The following MOXD1 variants were observed in gnomAD, a reference collection of about 807,000 sequenced individuals.
The protein encoded by MOXD1 is DBH-like monooxygenase protein 1.
A neutral mutation model predicts 66.6 loss-of-function variants in MOXD1; 62 were observed. The ratio of observed to expected loss-of-function variants is 0.93; its 90% CI spans 0.76 to 1.15. MOXD1 has a LOEUF of 1.15. Among genes scored for constraint, MOXD1 ranks in the 50% most tolerant of loss-of-function variants. The probability of loss-of-function intolerance (pLI) is 0.00; values close to 1 mark genes in which losing one functional copy is unlikely to be tolerated. For synonymous variants in MOXD1, 303 were observed against 281.9 expected (o/e 1.07, Z -0.75); for missense variants, 847 against 754.6 (o/e 1.12, Z -1.44).
At chr6:132,310,202 A>G (rs1345674914) in intron 10 of MOXD1, among the ~76,000 whole-genome samples, 1 of 152,240 alleles carries the variant, frequency 6.6e-6, no homozygotes, top group Non-Finnish European at 1.5e-5. Flanking sequence ...ATGAACAGAC[A>G]CTTCTCAAAA....
chr6:132,320,183 C>T (rs1166407242), intron 9 of MOXD1, among the ~76,000 whole-genome samples: 1 of 152,086 alleles, frequency 6.6e-6, no homozygotes, highest in African/African-American at 2.4e-5. Context: ...CATGAATTAT[C>T]TATTTCTTGA....
intron 1 of MOXD1, among the ~76,000 whole-genome samples, chr6:132,395,174 G>GCCAA (rs1342394173): frequency 1.3e-5 from 2 of 152,030 alleles, no homozygotes; most frequent in Non-Finnish European, 1.5e-5. Context: ...AAAAAAAACT[G>GCCAA]CCAACCAAGG....
In MOXD1 at chr6:132,296,883, C is replaced by T. The variant is rs889662623; in HGVS notation, c.*270G>A. The T allele has an allele frequency of 7.8e-5, 21 of 269,904 alleles. No individual in the cohort carries two copies. Among genetic ancestry groups the T allele is most frequent in the African/African-American group, 4.6e-4 (21 of 45,948 alleles). The allele number at this position is 269,904 out of a possible 1,614,324, so 16.7% of individuals were successfully genotyped here. A position where few individuals can be genotyped will look rare whatever the true frequency, so the allele number is the denominator to read the frequency against. On this transcript the variant is annotated 3_prime_UTR_variant, in exon 12 of 12. Coordinates refer to ENST00000367963, the MANE Select transcript of MOXD1 (RefSeq NM_015529.4). Reference sequence around the variant, plus strand: ...GAAAGAAAGAATTCTTTTATTCCCACATGACAGCCCAATTTTTTAAAATGG... The same window carrying T: ...GAAAGAAAGAATTCTTTTATTCCCATATGACAGCCCAATTTTTTAAAATGG...
intron 4 of MOXD1, among the ~76,000 whole-genome samples, chr6:132,335,722 C>T (rs1050177071): frequency 1.3e-5 from 2 of 152,172 alleles, no homozygotes; most frequent in Non-Finnish European, 2.9e-5. Context: ...TTTATTACAG[C>T]AGCCCTAGGA....
intron 4 of MOXD1, among the ~76,000 whole-genome samples, chr6:132,363,903 G>T (rs1776065402): frequency 6.9e-6 from 1 of 144,934 alleles, no homozygotes; most frequent in Non-Finnish European, 1.5e-5. Flanking sequence ...TCAATAAAGT[G>T]CTGTTAATTA....
chr6:132,390,047 AT>A (rs1776727002), intron 1 of MOXD1, among the ~76,000 whole-genome samples: 1 of 151,344 alleles, frequency 6.6e-6, no homozygotes, highest in Admixed American at 6.6e-5. Flanking sequence ...AGAGAAATAC[AT>A]CAACGCCTAG....
intron 4 of MOXD1, 85 bp downstream of exon 4, chr6:132,372,523 A>G: frequency 8.1e-7 from 1 of 1,236,858 alleles, no homozygotes; most frequent in East Asian, 2.4e-5. Context: ...AAACATTTCT[A>G]TACTTTTACT....
intron 4 of MOXD1, among the ~76,000 whole-genome samples, chr6:132,339,371 T>A (rs1280685227): frequency 6.6e-6 from 1 of 152,158 alleles, no homozygotes; most frequent in Non-Finnish European, 1.5e-5. Flanking sequence ...AAATGACAAC[T>A]CCCCACCCAC....
At chr6:132,318,276 G>A (rs921057323) in intron 9 of MOXD1, among the ~76,000 whole-genome samples, 1 of 151,888 alleles carries the variant, frequency 6.6e-6, no homozygotes, top group Non-Finnish European at 1.5e-5. Context: ...ACTAGATAAT[G>A]CCATACTTTT....
At chr6:132,303,782 CACATATAT>C (rs1774608449) in intron 10 of MOXD1, among the ~76,000 whole-genome samples, 1 of 131,094 alleles carries the variant, frequency 7.6e-6, no homozygotes, top group South Asian at 2.5e-4. Flanking sequence ...TACATATATA[CACATATAT>C]ACATATATAC....
chr6:132,311,675 A>T (rs1038182600), intron 10 of MOXD1, among the ~76,000 whole-genome samples: 1 of 152,074 alleles, frequency 6.6e-6, no homozygotes, highest in East Asian at 1.9e-4. Context: ...AATAAGTTAA[A>T]ACAAAATTAA....
At chr6:132,375,959 G>A (rs1272043892) in intron 1 of MOXD1, among the ~76,000 whole-genome samples, 8 of 152,164 alleles carry the variant, frequency 5.3e-5, no homozygotes, top group Admixed American at 4.6e-4. Flanking sequence ...CTGCCTACAT[G>A]GTTAGCGCCC....
intron 10 of MOXD1, among the ~76,000 whole-genome samples, chr6:132,311,836 T>C (rs1433718005): frequency 6.6e-6 from 1 of 152,052 alleles, no homozygotes; most frequent in African/African-American, 2.4e-5. Flanking sequence ...GAATTTGAGG[T>C]GGTTGCTTTT....
chr6:132,374,166 T>A (rs936778879), intron 2 of MOXD1, among the ~76,000 whole-genome samples: 10 of 152,204 alleles, frequency 6.6e-5, no homozygotes, highest in African/African-American at 2.4e-4. Context: ...GAAATCTCAT[T>A]TAATATACCA....
At chr6:132,323,115 C>A (rs1274967042) in intron 7 of MOXD1, among the ~76,000 whole-genome samples, 1 of 152,192 alleles carries the variant, frequency 6.6e-6, no homozygotes, top group African/African-American at 2.4e-5. Context: ...TACATGTTAT[C>A]CTCCTTTTTC....
At chr6:132,378,606 G>A (rs1562297656) in intron 1 of MOXD1, among the ~76,000 whole-genome samples, 1 of 152,074 alleles carries the variant, frequency 6.6e-6, no homozygotes. Context: ...GACACTAAAA[G>A]GTTAATAATA....
At chr6:132,390,596 A>G (rs1466986343) in intron 1 of MOXD1, 4 of 151,648 alleles carry the variant, frequency 2.6e-5, no homozygotes, top group African/African-American at 9.7e-5. Context: ...GAAGTGTTCA[A>G]TAAACATTCA....
chr6:132,303,519 T>C (rs1377163802), intron 10 of MOXD1, among the ~76,000 whole-genome samples: 2 of 151,922 alleles, frequency 1.3e-5, no homozygotes, highest in African/African-American at 4.8e-5. Flanking sequence ...TTATAATACC[T>C]AATACAATGT....
chr6:132,367,843 A>C (rs1294131696), intron 4 of MOXD1, among the ~76,000 whole-genome samples: 1 of 152,046 alleles, frequency 6.6e-6, no homozygotes, highest in Non-Finnish European at 1.5e-5. Context: ...AATAAATGGA[A>C]AGAAGGAATT....
Sources: allele counts gnomAD v4.1 joint callset (sites outside exome capture counted in the v4.1 genomes callset), GRCh38; gene constraint gnomAD v4.1.1; transcripts MANE v1.5; gene names NCBI Gene and HGNC (gene_info 2026-07-23, HGNC 2026-07-21).